MTMR9: variants seen among roughly 807,000 people sequenced by gnomAD.
The protein encoded by MTMR9 is myotubularin-related protein 9.
A neutral mutation model predicts 69.5 loss-of-function variants in MTMR9; 39 were observed. The observed-to-expected ratio is 0.56, with a 90% CI of 0.43 to 0.73. The LOEUF (loss-of-function observed/expected upper bound fraction) is 0.73. Among genes scored for constraint, MTMR9 ranks in the 30% least tolerant of loss-of-function variants. The pLI is 0.00. For synonymous variants in MTMR9, 354 were observed against 240.8 expected, an observed-to-expected ratio of 1.47 and a Z score of -4.35; for missense variants, 900 against 671.2, an observed-to-expected ratio of 1.34 and a Z score of -3.77.
In MTMR9 at chr8:11,287,896, TTATA is replaced by T. The variant is rs572383715; in HGVS notation, c.182+2831_182+2834del. Among the ~76,000 whole-genome samples the T allele has an allele frequency of 3.6e-3, 458 of 128,050 alleles. 3 individuals carry two copies. Among genetic ancestry groups the T allele is most frequent in the African/African-American group, 0.012 (410 of 33,534 alleles). The allele number at this position is 128,050 out of a possible 152,430, so 84.0% of individuals were successfully genotyped here. On this transcript the variant is annotated intron_variant, in intron 1 of 9. Transcript: ENST00000221086. The stretch of plus-strand genomic sequence containing the variant: ...TAATATATAACATATATAATACGTA[TTATA>T]TATAACATAATATGTATTATATATT...
downstream of MTMR9, among the ~76,000 whole-genome samples, chr8:11,329,192 G>A (rs116651308): frequency 0.017 from 2,515 of 152,278 alleles, 61 homozygotes; most frequent in African/African-American, 0.057. Flanking sequence ...CCAGGAGTTC[G>A]AGACCAGCAT....
chr8:11,306,439 A>G, intron 5 of MTMR9, 32 bp downstream of exon 5: 1 of 1,589,708 alleles, frequency 6.3e-7, no homozygotes, highest in Non-Finnish European at 8.6e-7. Context: ...ACAGACTCTT[A>G]TTAGAAGCTA....
chr8:11,288,665 G>T (rs769621394), intron 1 of MTMR9, among the ~76,000 whole-genome samples: 14 of 152,238 alleles, frequency 9.2e-5, no homozygotes, highest in Non-Finnish European at 1.9e-4. Flanking sequence ...GTTGATGGTA[G>T]AGACTGGCTG....
At chr8:11,302,936 A>T (rs901392425) in intron 3 of MTMR9, among the ~76,000 whole-genome samples, 6 of 152,226 alleles carry the variant, frequency 3.9e-5, no homozygotes, top group African/African-American at 1.4e-4. Flanking sequence ...TATTGAGAGA[A>T]TTATAAAAAT....
At position 11,300,031 on chromosome 8, in the gene MTMR9, T is replaced by A. The variant is rs1799697800; in HGVS notation, c.300T>A (p.Ser100=). 6.2e-7 allele frequency: 1 copy of A among 1,611,586 alleles called. No individual in the cohort carries two copies. The highest frequency in any genetic ancestry group is 8.5e-7 in the Non-Finnish European group (1 of 1,179,048). Residue 100 remains serine, a synonymous_variant, in exon 3 of 10, where the codon TCT becomes TCA. Transcript: ENST00000221086. The stretch of plus-strand genomic sequence containing the variant: ...TTTCTTTTTGCCCCCAGGCATTGTC[T>A]ACTCTGGACTCCATCACTCTGATGT... ...LNIASSIEAL[S]TLDSITLMYP... is the part of the protein sequence containing the mutation.
At position 11,323,420 on chromosome 8, in the gene MTMR9, C is replaced by T. The variant is rs1429105363; in HGVS notation, c.*632C>T. On this transcript the variant is annotated 3_prime_UTR_variant, in exon 10 of 10. Coordinates refer to ENST00000221086, the MANE Select transcript of MTMR9 (RefSeq NM_015458.4). Reference sequence around the variant, plus strand: ...TTTCTACAAGGGCAACAGGTATGGTCCTCCGATATTTACATTAAGAAGAGT... The same window carrying T: ...TTTCTACAAGGGCAACAGGTATGGTTCTCCGATATTTACATTAAGAAGAGT... 1 of 152,172 alleles carries T rather than the reference C, an allele frequency of 6.6e-6. No individual in the cohort carries two copies. Among genetic ancestry groups the T allele is most frequent in the African/African-American group, 2.4e-5 (1 of 41,450 alleles). 9.4% of individuals were successfully genotyped at this position (152,172 alleles called of 1,614,324 possible).
chr8:11,298,386 T>C (rs1347143178), intron 2 of MTMR9, among the ~76,000 whole-genome samples: 1 of 151,930 alleles, frequency 6.6e-6, no homozygotes, highest in African/African-American at 2.4e-5. Flanking sequence ...AGGAAAAATA[T>C]ATATATATAT....
the MTMR9 span, among the ~76,000 whole-genome samples, chr8:11,333,302 T>A: frequency 6.6e-6 from 1 of 152,224 alleles, no homozygotes; most frequent in Non-Finnish European, 1.5e-5. Context: ...GATTATCAAC[T>A]AATTTTTAAT....
At chr8:11,332,983 T>C (rs1004049866), downstream of MTMR9, among the ~76,000 whole-genome samples, 1 of 151,986 alleles carries the variant, frequency 6.6e-6, no homozygotes, top group Non-Finnish European at 1.5e-5. Context: ...CTGAGGAGCA[T>C]AAAGAAAAAG....
rs1233038952 is a variant in MTMR9 at position 11,325,126 on chromosome 8, T to C, written c.*2338T>C. 1 of 152,258 alleles carries C rather than the reference T, an allele frequency of 6.6e-6. No individual in the cohort carries two copies. Among genetic ancestry groups the C allele is most frequent in the Non-Finnish European group, 1.5e-5 (1 of 68,050 alleles). The allele number at this position is 152,258 out of a possible 1,614,324, so 9.4% of individuals were successfully genotyped here. A position where few individuals can be genotyped will look rare whatever the true frequency, so the allele number is the denominator to read the frequency against. ...TTGCATTTTAGTATTAATTTATAAT[T>C]AGGGATTGTTCAAACTTCAGATCTG... is the stretch of plus-strand genomic sequence containing the variant. On this transcript the variant is annotated 3_prime_UTR_variant, in exon 10 of 10. Transcript: ENST00000221086.
intron 3 of MTMR9, among the ~76,000 whole-genome samples, chr8:11,302,650 C>T (rs1799791795): frequency 1.3e-5 from 2 of 152,060 alleles, no homozygotes; most frequent in African/African-American, 2.4e-5. Flanking sequence ...GTATCATTCT[C>T]TCTAAGTTCA....
At position 11,313,098 on chromosome 8, in the gene MTMR9, A is replaced by T. The variant is rs137964908; in HGVS notation, c.972-1825A>T. Among the ~76,000 whole-genome samples, 4 of 152,340 alleles carry T rather than the reference A, an allele frequency of 2.6e-5. No homozygotes were observed. In the East Asian group the frequency reaches 7.7e-4, roughly 29 times the overall value. ...CCTTAAGGCCCCTAGGATTTTCAGAATTGCAAATAATCACTGGCTTCAGCT... is the reference window on the plus strand; with the variant it reads ...CCTTAAGGCCCCTAGGATTTTCAGATTTGCAAATAATCACTGGCTTCAGCT... On this transcript the variant is annotated intron_variant, in intron 6 of 9. Transcript: ENST00000221086.
At chr8:11,307,291 C>T (rs533263804) in intron 5 of MTMR9, among the ~76,000 whole-genome samples, 2 of 152,258 alleles carry the variant, frequency 1.3e-5, no homozygotes, top group South Asian at 2.1e-4. Flanking sequence ...AGGCTGGTCT[C>T]GAACTCCTGA....
At chr8:11,298,206 T>G (rs1799623746) in intron 2 of MTMR9, among the ~76,000 whole-genome samples, 1 of 152,160 alleles carries the variant, frequency 6.6e-6, no homozygotes, top group African/African-American at 2.4e-5. Context: ...TCTAGTGACA[T>G]AAGATCTCAA....
intron 9 of MTMR9, chr8:11,321,605 GAGA>G (rs1465972141): frequency 7.2e-6 from 3 of 418,978 alleles, no homozygotes; most frequent in African/African-American, 4.1e-5. Context: ...CTAGAGCTGG[GAGA>G]AGAAGAAGCT....
At chr8:11,332,646 G>A (rs1801281924), downstream of MTMR9, among the ~76,000 whole-genome samples, 1 of 151,848 alleles carries the variant, frequency 6.6e-6, no homozygotes, top group South Asian at 2.1e-4. Flanking sequence ...CTGTCACACA[G>A]GCTGGAGTGC....
intron 8 of MTMR9, 82 bp downstream of exon 8, chr8:11,316,975 G>T (rs11784572): frequency 1.3e-6 from 1 of 781,832 alleles, no homozygotes; most frequent in South Asian, 2.2e-5. Context: ...CCTAGGAGAC[G>T]ACGATTTGGA....
chr8:11,337,765 C>G, the MTMR9 span, among the ~76,000 whole-genome samples: 1 of 152,192 alleles, frequency 6.6e-6, no homozygotes, highest in African/African-American at 2.4e-5. Context: ...ATTCTAGGTA[C>G]CAGTGACTGA....
chr8:11,292,169 A>G (rs1490811538), intron 1 of MTMR9, among the ~76,000 whole-genome samples: 2 of 152,122 alleles, frequency 1.3e-5, no homozygotes, highest in Non-Finnish European at 2.9e-5. Flanking sequence ...TCAATAGTTC[A>G]TTCTTTTTAT....
Sources: allele counts gnomAD v4.1 joint callset (sites outside exome capture counted in the v4.1 genomes callset), GRCh38; gene constraint gnomAD v4.1.1; transcripts MANE v1.5; gene names NCBI Gene and HGNC (gene_info 2026-07-23, HGNC 2026-07-21).